The following SCHIP1 variants were observed in gnomAD, a reference collection of about 807,000 sequenced individuals.
SCHIP1 encodes schwannomin-interacting protein 1.
Under a neutral mutation model 29.7 loss-of-function variants are expected in SCHIP1, and 8 were observed. The observed-to-expected ratio is 0.27, with a 90% CI of 0.16 to 0.49. SCHIP1 has a LOEUF of 0.49. SCHIP1 is among the 20% of genes least tolerant of loss of function. The pLI is 0.99. For synonymous variants in SCHIP1, 76 were observed against 94.9 expected, an observed-to-expected ratio of 0.80 and a Z score of 1.16; for missense variants, 193 against 294.6, an observed-to-expected ratio of 0.66 and a Z score of 2.52.
chr3:159,536,136 A>AT, the SCHIP1 span, among the ~76,000 whole-genome samples: 1 of 152,226 alleles, frequency 6.6e-6, no homozygotes, highest in Admixed American at 6.5e-5. Flanking sequence ...GAACATTTCC[A>AT]ACATCACAGA....
the SCHIP1 span, among the ~76,000 whole-genome samples, chr3:159,336,558 A>G: frequency 1.3e-5 from 2 of 152,214 alleles, no homozygotes; most frequent in African/African-American, 2.4e-5. Flanking sequence ...AGCTTTCTAC[A>G]TATGGCTAGC....
the SCHIP1 span, among the ~76,000 whole-genome samples, chr3:159,493,592 A>G: frequency 3.6e-4 from 55 of 151,684 alleles, no homozygotes; most frequent in African/African-American, 9.7e-4. Context: ...GAGCACCCAG[A>G]TTCATAAAGC....
At chr3:159,428,049 A>C in the SCHIP1 span, among the ~76,000 whole-genome samples, 1 of 152,182 alleles carries the variant, frequency 6.6e-6, no homozygotes, top group African/African-American at 2.4e-5. Context: ...TTAATTCAAG[A>C]TGGATTAAAG....
At position 159,896,704 on chromosome 3, in the gene SCHIP1, TG is replaced by T; in HGVS notation, c.684-18del. On this transcript the variant is annotated intron_variant, in intron 6 of 6. Coordinates refer to ENST00000445224, the Ensembl canonical transcript of SCHIP1. The stretch of plus-strand genomic sequence containing the variant: ...ATCTCTCTACATGATGCTAAATAAT[TG>T]TATTAATTGTTTTACAGACATGCTG... 1 of 1,588,882 alleles carries T rather than the reference TG, an allele frequency of 6.3e-7. No homozygotes were observed. The highest frequency in any genetic ancestry group is 1.8e-5 in the Admixed American group (1 of 54,302).
At chr3:159,300,629 G>A in the SCHIP1 span, among the ~76,000 whole-genome samples, 2 of 152,180 alleles carry the variant, frequency 1.3e-5, no homozygotes, top group African/African-American at 2.4e-5. Context: ...TCAAAATTCA[G>A]AGCTTTTGCA....
intron 2 of SCHIP1, among the ~76,000 whole-genome samples, chr3:159,870,861 A>G (rs1182254348): frequency 1.3e-5 from 2 of 152,128 alleles, no homozygotes; most frequent in African/African-American, 2.4e-5. Context: ...AAAAGTTTAC[A>G]TAATATTTTT....
At chr3:159,432,314 G>T in the SCHIP1 span, among the ~76,000 whole-genome samples, 2 of 104,970 alleles carry the variant, frequency 1.9e-5, no homozygotes. Flanking sequence ...GTGTGTGTGT[G>T]TGTGTGTGTG....
chr3:159,786,716 G>A, the SCHIP1 span, among the ~76,000 whole-genome samples: 2 of 151,528 alleles, frequency 1.3e-5, no homozygotes, highest in African/African-American at 4.8e-5. Flanking sequence ...TGCACTGTGT[G>A]TGTGTGTGTG....
At chr3:159,405,037 T>G in the SCHIP1 span, among the ~76,000 whole-genome samples, 323 of 152,288 alleles carry the variant, frequency 2.1e-3, 3 homozygotes, top group African/African-American at 7.3e-3. Flanking sequence ...AAGACCAAGG[T>G]GGTACCTCTG....
the SCHIP1 span, among the ~76,000 whole-genome samples, chr3:159,382,255 C>T: frequency 1.3e-5 from 2 of 150,142 alleles, no homozygotes; most frequent in African/African-American, 4.9e-5. Context: ...TATCCCTCCC[C>T]CCTCACCCCA....
At chr3:159,312,336 C>T in the SCHIP1 span, among the ~76,000 whole-genome samples, 11 of 152,070 alleles carry the variant, frequency 7.2e-5, no homozygotes, top group South Asian at 2.1e-4. Context: ...GGCCATGGCT[C>T]AGTAACCTAG....
chr3:159,349,249 C>G, the SCHIP1 span, among the ~76,000 whole-genome samples: 1 of 152,166 alleles, frequency 6.6e-6, no homozygotes, highest in African/African-American at 2.4e-5. Context: ...TTTATTTTCA[C>G]CCATGTCGTG....
chr3:159,395,628 T>C, the SCHIP1 span, among the ~76,000 whole-genome samples: 2 of 152,146 alleles, frequency 1.3e-5, no homozygotes, highest in Non-Finnish European at 2.9e-5. Context: ...AGTTGAGTGG[T>C]TTTGAGTGAG....
At chr3:159,363,131 G>C in the SCHIP1 span, among the ~76,000 whole-genome samples, 2 of 152,182 alleles carry the variant, frequency 1.3e-5, no homozygotes, top group South Asian at 4.1e-4. Flanking sequence ...TATAGTTGGA[G>C]ATGACCAAGG....
the SCHIP1 span, among the ~76,000 whole-genome samples, chr3:159,368,013 T>C: frequency 5.3e-5 from 8 of 152,186 alleles, no homozygotes; most frequent in Non-Finnish European, 8.8e-5. Flanking sequence ...TCCAACTTTC[T>C]AACTATTGTC....
chr3:159,814,284 T>C, the SCHIP1 span, among the ~76,000 whole-genome samples: 1 of 152,184 alleles, frequency 6.6e-6, no homozygotes, highest in Non-Finnish European at 1.5e-5. Context: ...AGGCTTTTGT[T>C]TGCAGCTGCA....
the SCHIP1 span, among the ~76,000 whole-genome samples, chr3:159,384,963 T>C: frequency 6.6e-6 from 1 of 152,164 alleles, no homozygotes; most frequent in African/African-American, 2.4e-5. Context: ...TGATATCCCC[T>C]TTATCATTTT....
the SCHIP1 span, among the ~76,000 whole-genome samples, chr3:159,631,409 A>T: frequency 6.6e-6 from 1 of 152,338 alleles, no homozygotes; most frequent in South Asian, 2.1e-4. Context: ...TAGTGGCATG[A>T]GTCACAATAG....
chr3:159,403,571 G>T, the SCHIP1 span, among the ~76,000 whole-genome samples: 1 of 152,194 alleles, frequency 6.6e-6, no homozygotes, highest in African/African-American at 2.4e-5. Context: ...GAAGAACTCA[G>T]CTGGTGCCCA....
Sources: allele counts gnomAD v4.1 joint callset (sites outside exome capture counted in the v4.1 genomes callset), GRCh38; gene constraint gnomAD v4.1.1; transcripts MANE v1.5; gene names NCBI Gene and HGNC (gene_info 2026-07-23, HGNC 2026-07-21).